Variants in SLC35F3 observed in about 807,000 individuals in gnomAD.
SLC35F3 encodes the protein putative thiamine transporter SLC35F3.
Under a neutral mutation model 49.9 loss-of-function variants are expected in SLC35F3, and 25 were observed. The observed-to-expected ratio is 0.50, with a 90% CI of 0.37 to 0.70. The LOEUF (loss-of-function observed/expected upper bound fraction) is 0.70. Ranked by LOEUF, SLC35F3 falls within the 30% of genes least tolerant of loss-of-function variation. SLC35F3 has a pLI of 0.00. For missense variants in SLC35F3, 525 were observed against 639.8 expected, an observed-to-expected ratio of 0.82 and a Z score of 1.94; for synonymous variants, 275 against 265.4, an observed-to-expected ratio of 1.04 and a Z score of -0.35.
chr1:234,004,873 G>C (rs1468325174), intron 2 of SLC35F3, among the ~76,000 whole-genome samples: 1 of 152,030 alleles, frequency 6.6e-6, no homozygotes, highest in Non-Finnish European at 1.5e-5. Context: ...TAGAGGTTCT[G>C]AATCATCCTC....
chr1:234,179,033 G>A (rs537028140), intron 2 of SLC35F3, among the ~76,000 whole-genome samples: 8 of 152,238 alleles, frequency 5.3e-5, no homozygotes, highest in African/African-American at 1.9e-4. Flanking sequence ...ACAGAGAGGT[G>A]TGTGATGGCT....
At chr1:234,010,346 CA>C (rs1663696264) in intron 2 of SLC35F3, among the ~76,000 whole-genome samples, 1 of 151,892 alleles carries the variant, frequency 6.6e-6, no homozygotes, top group Non-Finnish European at 1.5e-5. Flanking sequence ...AGTAGATGCA[CA>C]AAACATAAAT....
chr1:233,936,315 T>A (rs1311542062), intron 2 of SLC35F3, among the ~76,000 whole-genome samples: 1 of 152,202 alleles, frequency 6.6e-6, no homozygotes, highest in Non-Finnish European at 1.5e-5. Flanking sequence ...GAGTGACATC[T>A]CCAGCTCAGT....
intron 2 of SLC35F3, among the ~76,000 whole-genome samples, chr1:234,041,059 TTTC>T (rs1265979092): frequency 1.3e-5 from 2 of 152,344 alleles, no homozygotes; most frequent in African/African-American, 4.8e-5. Flanking sequence ...CGTTTTTAAC[TTTC>T]TTCTTAGCAG....
chr1:234,255,966 TAA>T (rs1244156593), intron 3 of SLC35F3, among the ~76,000 whole-genome samples: 2 of 152,104 alleles, frequency 1.3e-5, no homozygotes, highest in Admixed American at 1.3e-4. Flanking sequence ...TAGTTAATAA[TAA>T]AAAATCATGA....
intron 3 of SLC35F3, among the ~76,000 whole-genome samples, chr1:234,299,361 T>G (rs1194922004): frequency 6.6e-6 from 1 of 152,088 alleles, no homozygotes; most frequent in African/African-American, 2.4e-5. Flanking sequence ...GAAAGTTCTA[T>G]GACCTAAGAG....
chr1:234,109,084 G>A (rs1156315218), intron 2 of SLC35F3, among the ~76,000 whole-genome samples: 2 of 152,028 alleles, frequency 1.3e-5, no homozygotes, highest in Non-Finnish European at 2.9e-5. Context: ...CCCACACACT[G>A]AGGCGTTTTG....
At chr1:234,141,436 G>A (rs951192094) in intron 2 of SLC35F3, among the ~76,000 whole-genome samples, 3 of 151,872 alleles carry the variant, frequency 2.0e-5, no homozygotes, top group Admixed American at 6.6e-5. Flanking sequence ...CACATATTTC[G>A]TACATACTTC....
At chr1:234,230,030 G>A (rs1316398857) in intron 2 of SLC35F3, among the ~76,000 whole-genome samples, 1 of 152,162 alleles carries the variant, frequency 6.6e-6, no homozygotes, top group African/African-American at 2.4e-5. Flanking sequence ...GGTTTTCCAG[G>A]GGCTTTTCAA....
At chr1:234,138,274 A>G (rs930306167) in intron 2 of SLC35F3, among the ~76,000 whole-genome samples, 3 of 152,228 alleles carry the variant, frequency 2.0e-5, no homozygotes, top group Non-Finnish European at 2.9e-5. Context: ...TGAGGATTAA[A>G]TAAGACAATA....
chr1:234,025,229 T>C (rs1390946407), intron 2 of SLC35F3, among the ~76,000 whole-genome samples: 4 of 152,268 alleles, frequency 2.6e-5, no homozygotes, highest in Non-Finnish European at 5.9e-5. Flanking sequence ...CTGATGGGCA[T>C]CTAGGTTGAT....
chr1:234,286,249 G>T (rs967678291), intron 3 of SLC35F3, among the ~76,000 whole-genome samples: 3 of 152,198 alleles, frequency 2.0e-5, no homozygotes, highest in African/African-American at 7.2e-5. Flanking sequence ...ACCCAGATGT[G>T]TCTGACTTCT....
chr1:234,015,175 G>A (rs1663782231), intron 2 of SLC35F3, among the ~76,000 whole-genome samples: 1 of 151,928 alleles, frequency 6.6e-6, no homozygotes, highest in Admixed American at 6.6e-5. Flanking sequence ...GTGAAACCCT[G>A]TCTCTACTAA....
chr1:234,050,967 T>C (rs2102857491), intron 2 of SLC35F3, among the ~76,000 whole-genome samples: 1 of 152,352 alleles, frequency 6.6e-6, no homozygotes, highest in South Asian at 2.1e-4. Flanking sequence ...GTATTATTTC[T>C]GAAGGCTCTG....
At chr1:234,077,065 C>A (rs892098160) in intron 2 of SLC35F3, among the ~76,000 whole-genome samples, 8 of 141,860 alleles carry the variant, frequency 5.6e-5, no homozygotes, top group Admixed American at 2.2e-4. Context: ...ACTGCAGTGG[C>A]GCAATCTCGG....
intron 2 of SLC35F3, among the ~76,000 whole-genome samples, chr1:234,054,888 G>A (rs1394423282): frequency 3.3e-5 from 5 of 152,238 alleles, no homozygotes; most frequent in Non-Finnish European, 7.3e-5. Context: ...CTGCAGGTCT[G>A]TTGGAGTTTG....
intron 2 of SLC35F3, among the ~76,000 whole-genome samples, chr1:234,070,826 T>C (rs1664702748): frequency 1.3e-5 from 2 of 152,326 alleles, no homozygotes; most frequent in South Asian, 4.1e-4. Flanking sequence ...TTTTAGTAAT[T>C]TTGTATGATG....
At chr1:234,272,053 G>C (rs186621106) in intron 3 of SLC35F3, among the ~76,000 whole-genome samples, 359 of 152,296 alleles carry the variant, frequency 2.4e-3, no homozygotes, top group African/African-American at 8.2e-3. Context: ...TTGAGCTCAG[G>C]ATGCAGAGGC....
In SLC35F3 at chr1:234,309,277, T is replaced by C; in HGVS notation, c.785T>C (p.Leu262Ser). Residue 262 changes from leucine (L) to serine (S), a missense_variant, in exon 4 of 8, where the codon TTG becomes TCG. Physicochemically the swap from Leu to Ser is moderately radical, Grantham distance 145. This residue lies in a region of SLC35F3 where 216 missense variants were observed against 298.1 expected (regional missense o/e 0.72). Coordinates refer to ENST00000366618, the MANE Select transcript of SLC35F3 (RefSeq NM_173508.4). ...LFCCNKAFVF[L>S]LSWIVLRDRF... is the part of the protein sequence containing the mutation. ...TGCTGCAACAAAGCTTTTGTGTTCT[T>C]GCTCTCATGGATCGTTCTCAGGGAC... The C allele has an allele frequency of 6.2e-7, 1 of 1,614,250 alleles. No homozygotes were observed. The highest frequency in any genetic ancestry group is 8.5e-7 in the Non-Finnish European group (1 of 1,180,032).
Sources: gnomAD v4.1 joint callset for allele counts (sites outside exome capture counted in the v4.1 genomes callset) on GRCh38, gnomAD v4.1.1 for gene constraint, gnomAD v4.1.1 regional missense constraint, MANE v1.5 for transcripts, NCBI Gene and HGNC (gene_info 2026-07-23, HGNC 2026-07-21) for gene names.